FGFR2: variants seen among roughly 807,000 people sequenced by gnomAD.
FGFR2 encodes fibroblast growth factor receptor 2, also known as BEK fibroblast growth factor receptor.
In FGFR2, 19 loss-of-function variants were observed where a neutral mutation model predicts 95.9. The ratio of observed to expected loss-of-function variants is 0.20; its 90% CI spans 0.14 to 0.29. The LOEUF (loss-of-function observed/expected upper bound fraction) is 0.29. Among genes scored for constraint, FGFR2 ranks in the 10% least tolerant of loss-of-function variants. The pLI, the probability that FGFR2 is intolerant of heterozygous loss-of-function variation, is 1.00. For missense variants in FGFR2, 707 were observed against 1,056.9 expected (o/e 0.67, Z 4.59); for synonymous variants, 392 against 393.3 (o/e 1.00, Z 0.04).
At chr10:121,548,938 A>G (rs1854972484) in intron 5 of FGFR2, among the ~76,000 whole-genome samples, 1 of 151,992 alleles carries the variant, frequency 6.6e-6, no homozygotes, top group South Asian at 2.1e-4. Context: ...ATCTCATCGT[A>G]TCTGGTCTAA....
chr10:121,588,089 G>A (rs1743419558), intron 2 of FGFR2, among the ~76,000 whole-genome samples: 1 of 152,208 alleles, frequency 6.6e-6, no homozygotes, highest in Admixed American at 6.5e-5. Context: ...CATGTCTTTT[G>A]CAAGAACATG....
chr10:121,520,202 G>A (rs2134321509), intron 6 of FGFR2, 33 bp from the exon 7 acceptor site: 4 of 1,597,564 alleles, frequency 2.5e-6, no homozygotes, highest in Non-Finnish European at 3.4e-6. Flanking sequence ...GAGGAGTGGG[G>A]ATGGGAGAAT....
intron 4 of FGFR2, among the ~76,000 whole-genome samples, chr10:121,560,615 CAAAAAAAA>C (rs34753296): frequency 0.056 from 2,903 of 51,822 alleles, 142 homozygotes; most frequent in African/African-American, 0.19. Flanking sequence ...ACTCCGTCCC[CAAAAAAAA>C]AAAAAAAAAA....
rs529337365 is a variant in FGFR2 at position 121,515,159 on chromosome 10, C to T, written c.1245G>A (p.Val415=). ...GGGGGATACGTTTGGTCAGCTTGTG[C>T]ACAGCCGGCTGGCTGCTGAAGTCTG... ...KKPDFSSQPA[V]HKLTKRIPLR... Residue 415 remains valine (V), a synonymous_variant, in exon 9 of 18, where the codon GTG becomes GTA. Coordinates refer to ENST00000358487, the MANE Select transcript of FGFR2 (RefSeq NM_000141.5). 4.3e-6 allele frequency: 7 copies of T among 1,614,186 alleles called. No individual in the cohort carries two copies. In the African/African-American group the frequency reaches 5.3e-5, roughly 12 times the overall value.
Position 121,518,168 on chromosome 10 carries a change from G to C in FGFR2, c.940-705C>G, listed in dbSNP as rs1029926882. The C allele has an allele frequency of 6.5e-6, 2 of 305,706 alleles. No individual in the cohort carries two copies. The highest frequency in any genetic ancestry group is 6.0e-5 in the South Asian group (2 of 33,060). The allele number at this position is 305,706 out of a possible 1,614,324, so 18.9% of individuals were successfully genotyped here. A position where few individuals can be genotyped will look rare whatever the true frequency, so the allele number is the denominator to read the frequency against. ...TAGCGTCCAGTAGTACATTCATTAA[G>C]ATGAGCTCCCCTCAAATTTGGTGCA... is the stretch of plus-strand genomic sequence containing the variant. On this transcript the variant is annotated intron_variant, in intron 7 of 17. Transcript: ENST00000358487. The surrounding 1 kb of genome is among the most constrained non-coding windows in gnomAD (Gnocchi z 4.0).
At chr10:121,591,179 T>C (rs1313355083) in intron 2 of FGFR2, among the ~76,000 whole-genome samples, 1 of 152,186 alleles carries the variant, frequency 6.6e-6, no homozygotes, top group Admixed American at 6.5e-5. Flanking sequence ...AGGGCTCAAA[T>C]CAGTGGCCAG....
intron 5 of FGFR2, among the ~76,000 whole-genome samples, chr10:121,541,431 G>T (rs1158442578): frequency 6.6e-6 from 1 of 152,122 alleles, no homozygotes; most frequent in African/African-American, 2.4e-5. Flanking sequence ...TATAAAGATG[G>T]CAAACAAAAG....
intron 2 of FGFR2, among the ~76,000 whole-genome samples, chr10:121,571,710 G>A (rs868104902): frequency 3.9e-5 from 6 of 152,068 alleles, no homozygotes; most frequent in East Asian, 2.0e-4. Context: ...TTGGGAGGCC[G>A]AAGCGGGCGG....
At chr10:121,499,919 T>C (rs184330011) in intron 11 of FGFR2, among the ~76,000 whole-genome samples, 4 of 152,240 alleles carry the variant, frequency 2.6e-5, no homozygotes, top group African/African-American at 7.2e-5. Flanking sequence ...GCCTGCTACT[T>C]CCCCTTGGGA....
At chr10:121,524,714 T>C (rs548356578) in intron 6 of FGFR2, among the ~76,000 whole-genome samples, 1 of 152,288 alleles carries the variant, frequency 6.6e-6, no homozygotes, top group South Asian at 2.1e-4. Context: ...GTGCAGATGG[T>C]GGACGAGGAT....
chr10:121,576,670 C>T (rs1189432602), intron 2 of FGFR2, among the ~76,000 whole-genome samples: 4 of 152,140 alleles, frequency 2.6e-5, no homozygotes, highest in Non-Finnish European at 4.4e-5. Context: ...TCCCTGAGTC[C>T]TAATGACAGT....
chr10:121,492,198 T>G (rs753364597), intron 13 of FGFR2, among the ~76,000 whole-genome samples: 1 of 152,094 alleles, frequency 6.6e-6, no homozygotes, highest in Non-Finnish European at 1.5e-5. Context: ...AAAAACAAAC[T>G]GCTCAGGTTT....
chr10:121,482,192 A>G (rs754441038), intron 17 of FGFR2: 1 of 1,612,484 alleles, frequency 6.2e-7, no homozygotes, highest in East Asian at 2.2e-5. Flanking sequence ...TAGGAAAAAA[A>G]CAGGGATATC....
At chr10:121,521,241 G>C (rs1850498190) in intron 6 of FGFR2, among the ~76,000 whole-genome samples, 1 of 152,202 alleles carries the variant, frequency 6.6e-6, no homozygotes, top group South Asian at 2.1e-4. Flanking sequence ...GTTTTAGACT[G>C]CCCTATAAAA....
intron 11 of FGFR2, among the ~76,000 whole-genome samples, chr10:121,499,352 T>A (rs1847287488): frequency 6.6e-6 from 1 of 151,584 alleles, no homozygotes; most frequent in Middle Eastern, 3.4e-3. Flanking sequence ...AAAAAAAAAA[T>A]GAAATATGGG....
intron 5 of FGFR2, among the ~76,000 whole-genome samples, chr10:121,544,642 G>C (rs971457945): frequency 1.3e-5 from 2 of 152,026 alleles, no homozygotes; most frequent in African/African-American, 4.8e-5. Flanking sequence ...CAAAAAGTAG[G>C]TTAGAGGTTA....
chr10:121,534,568 G>A (rs1852558380), intron 6 of FGFR2, among the ~76,000 whole-genome samples: 1 of 151,242 alleles, frequency 6.6e-6, no homozygotes, highest in Non-Finnish European at 1.5e-5. Context: ...GCTAATTTTT[G>A]TATTTTTAGT....
At chr10:121,524,887 C>T (rs1164498497) in intron 6 of FGFR2, among the ~76,000 whole-genome samples, 2 of 152,168 alleles carry the variant, frequency 1.3e-5, no homozygotes, top group Admixed American at 1.3e-4. Context: ...TTTTTTGCAA[C>T]AAACTGATAT....
At chr10:121,561,187 G>T (rs1411201378) in intron 4 of FGFR2, among the ~76,000 whole-genome samples, 1 of 152,110 alleles carries the variant, frequency 6.6e-6, no homozygotes, top group African/African-American at 2.4e-5. Context: ...CACTTTGGGA[G>T]GCCGAGGCAG....
Sources: gnomAD v4.1 joint callset for allele counts (sites outside exome capture counted in the v4.1 genomes callset) on GRCh38, gnomAD v4.1.1 for gene constraint, Gnocchi (gnomAD v3.1) non-coding constraint, MANE v1.5 for transcripts, NCBI Gene and HGNC (gene_info 2026-07-23, HGNC 2026-07-21) for gene names.